The following NLRP14 variants were observed in gnomAD, a reference collection of about 807,000 sequenced individuals.
The protein encoded by NLRP14 is NLR family pyrin domain containing 14.
A neutral mutation model predicts 94.7 loss-of-function variants in NLRP14; 105 were observed. The ratio of observed to expected loss-of-function variants is 1.11; its 90% CI spans 0.95 to 1.30. NLRP14 has a LOEUF of 1.30. Ranked by LOEUF, NLRP14 falls within the 50% of genes most tolerant of loss-of-function variation. The pLI is 0.00. For missense variants in NLRP14, 1,362 were observed against 1,254.1 expected (o/e 1.09, Z -1.30); for synonymous variants, 508 against 459.9 (o/e 1.10, Z -1.34).
At position 7,043,063 on chromosome 11, in the gene NLRP14, A is replaced by G. The variant is rs1455981525; in HGVS notation, c.1037A>G (p.Lys346Arg). The G allele has an allele frequency of 6.2e-7, 1 of 1,614,160 alleles. No individual in the cohort carries two copies. The highest frequency in any genetic ancestry group is 2.2e-5 in the East Asian group (1 of 44,888). ...TATATTTACCAGTTTTTTGAAGATAAGAGGTGGGCCATGAAAGTATTCAGT... is the reference window on the plus strand; with the variant it reads ...TATATTTACCAGTTTTTTGAAGATAGGAGGTGGGCCATGAAAGTATTCAGT... The part of the protein sequence containing the change: ...EEYIYQFFED[K>R]RWAMKVFSSL... The change falls in exon 4 of 12, where the codon AAG (lysine) becomes AGG (arginine). Residue 346 changes from lysine (K) to arginine (R), a missense_variant. Lys to Arg is a conservative substitution (Grantham distance 26). Transcript: ENST00000299481.
At chr11:7,056,515 C>CAAAAAAAAAAAAAAAA (rs60703550) in intron 6 of NLRP14, among the ~76,000 whole-genome samples, 1 of 122,864 alleles carries the variant, frequency 8.1e-6, no homozygotes, top group African/African-American at 3.1e-5. Flanking sequence ...AGCACTAATA[C>CAAAAAAAAAAAAAAAA]AAAAAAAAAA....
chr11:7,088,230 G>A, the NLRP14 span, among the ~76,000 whole-genome samples: 2 of 152,082 alleles, frequency 1.3e-5, no homozygotes, highest in African/African-American at 4.8e-5. Context: ...AATGGATATC[G>A]TACAGAGCAT....
At chr11:7,071,932 C>CT (rs1267877981), downstream of NLRP14, among the ~76,000 whole-genome samples, 1 of 152,050 alleles carries the variant, frequency 6.6e-6, no homozygotes, top group Admixed American at 6.5e-5. Context: ...CTTTCTATAG[C>CT]TTATTGTAAA....
intron 6 of NLRP14, among the ~76,000 whole-genome samples, chr11:7,054,543 TTC>T (rs2119665063): frequency 6.6e-6 from 1 of 152,314 alleles, no homozygotes; most frequent in South Asian, 2.1e-4. Flanking sequence ...TGATTTACAT[TTC>T]TCTGATTATT....
In NLRP14 at chr11:7,058,295, T is replaced by G; in HGVS notation, c.2478T>G (p.Gly826=). 6.2e-7 allele frequency: 1 copy of G among 1,612,326 alleles called. No homozygotes were observed. Among genetic ancestry groups the G allele is most frequent in the Non-Finnish European group, 8.5e-7 (1 of 1,178,664 alleles). The change falls in exon 8 of 12, where the codon GGT becomes GGG. Residue 826 remains glycine (G), a synonymous_variant. Transcript: ENST00000299481. The part of the protein sequence containing the change: ...YLERLSLESC[G]LTEAGCEYLS... The stretch of plus-strand genomic sequence containing the variant: ...TCTCTTTCAGCTTAGAAAGCTGTGG[T>G]CTCACAGAGGCTGGCTGTGAGTATC...
At chr11:7,070,000 C>G (rs1017297921) in intron 10 of NLRP14, among the ~76,000 whole-genome samples, 4 of 152,110 alleles carry the variant, frequency 2.6e-5, no homozygotes, top group Admixed American at 1.3e-4. Flanking sequence ...TAGTGATGTT[C>G]AAGGATTCAA....
At chr11:7,025,100 A>T (rs189801259) in intron 1 of NLRP14, among the ~76,000 whole-genome samples, 1 of 152,192 alleles carries the variant, frequency 6.6e-6, no homozygotes, top group Middle Eastern at 3.2e-3. Flanking sequence ...ATAACTCATG[A>T]CATTTCAGTC....
chr11:7,039,815 G>A, intron 3 of NLRP14, 30 bp downstream of exon 3: 1 of 1,551,616 alleles, frequency 6.4e-7, no homozygotes, highest in African/African-American at 1.4e-5. Flanking sequence ...ATCAGATTTG[G>A]GAGGCATTCA....
chr11:7,038,568 G>T lies in NLRP14; in HGVS notation c.-19G>T. The T allele has an allele frequency of 1.2e-6, 2 of 1,612,168 alleles. No individual in the cohort carries two copies. The highest frequency in any genetic ancestry group is 1.7e-6 in the Non-Finnish European group (2 of 1,179,362). On this transcript the variant is annotated splice_region_variant and 5_prime_UTR_variant, in exon 2 of 12. Transcript: ENST00000299481. Reference sequence around the variant, plus strand: ...GGTTATTTTTTTTCCCCCCACAGAGGCCTGAATATTTGGACAAGATGGCAG... The same window carrying T: ...GGTTATTTTTTTTCCCCCCACAGAGTCCTGAATATTTGGACAAGATGGCAG...
At chr11:7,089,382 G>T in the NLRP14 span, 5 of 1,602,234 alleles carry the variant, frequency 3.1e-6, no homozygotes, top group Non-Finnish European at 4.3e-6. Flanking sequence ...CACCAAACCG[G>T]CGTTCGAGAG....
chr11:7,049,982 A>G lies in NLRP14; in HGVS notation c.2291+144A>G. 4.1e-6 allele frequency: 3 copies of G among 739,738 alleles called. No homozygotes were observed. In the South Asian group the frequency reaches 4.5e-5, roughly 11 times the overall value. 45.8% of individuals were successfully genotyped at this position (739,738 alleles called of 1,614,324 possible). ...ATATGGGGTAGCAAGCATCTGTAGA[A>G]TCAAGCTGATTTCATCCTGGTAGGA... On this transcript the variant is annotated intron_variant, in intron 6 of 11. Coordinates refer to ENST00000299481, the MANE Select transcript of NLRP14 (RefSeq NM_176822.4).
At chr11:7,030,589 A>G (rs1316257289) in intron 1 of NLRP14, among the ~76,000 whole-genome samples, 2 of 150,810 alleles carry the variant, frequency 1.3e-5, no homozygotes, top group Admixed American at 1.3e-4. Context: ...ACCACCTGGT[A>G]TACTACAATT....
chr11:7,079,676 C>T, the NLRP14 span, among the ~76,000 whole-genome samples: 1 of 152,278 alleles, frequency 6.6e-6, no homozygotes, highest in Non-Finnish European at 1.5e-5. Context: ...AGCACTGAGA[C>T]AAAAGACAAA....
intron 6 of NLRP14, among the ~76,000 whole-genome samples, chr11:7,053,407 C>A (rs1852470227): frequency 6.7e-6 from 1 of 150,312 alleles, no homozygotes; most frequent in Non-Finnish European, 1.5e-5. Flanking sequence ...TTACAAGCTT[C>A]CGGTTTATAA....
intron 8 of NLRP14, among the ~76,000 whole-genome samples, chr11:7,059,197 A>G (rs1852571465): frequency 6.7e-6 from 1 of 149,924 alleles, no homozygotes; most frequent in African/African-American, 2.4e-5. Flanking sequence ...TTAATATCAC[A>G]TATATTATTA....
At chr11:7,044,511 G>A (rs1283169763) in intron 4 of NLRP14, among the ~76,000 whole-genome samples, 4 of 152,116 alleles carry the variant, frequency 2.6e-5, no homozygotes, top group Non-Finnish European at 5.9e-5. Context: ...AGTTTGTGAA[G>A]GGTCTCAGCC....
At chr11:7,089,488 C>G in the NLRP14 span, 1 of 1,247,912 alleles carries the variant, frequency 8.0e-7, no homozygotes, top group Non-Finnish European at 1.0e-6. Flanking sequence ...CGTTCCCCAT[C>G]CCGGGGCGGG....
chr11:7,022,540 A>G (rs781564525), intron 1 of NLRP14, among the ~76,000 whole-genome samples: 3 of 152,202 alleles, frequency 2.0e-5, no homozygotes, highest in Non-Finnish European at 4.4e-5. Flanking sequence ...CAAGATCCTG[A>G]TGAAAAGGGA....
chr11:7,088,735 G>T, the NLRP14 span, among the ~76,000 whole-genome samples: 1 of 151,920 alleles, frequency 6.6e-6, no homozygotes, highest in Admixed American at 6.6e-5. Context: ...AAAATGGTTT[G>T]GGTAGCTTAG....
Sources: allele counts gnomAD v4.1 joint callset (sites outside exome capture counted in the v4.1 genomes callset), GRCh38; gene constraint gnomAD v4.1.1; transcripts MANE v1.5; gene names NCBI Gene and HGNC (gene_info 2026-07-23, HGNC 2026-07-21).